The following CC2D2B variants were observed in gnomAD, a reference collection of about 807,000 sequenced individuals.
CC2D2B encodes coiled-coil and C2 domain containing 2B, also known as protein CC2D2B.
CC2D2B carries 128 observed loss-of-function variants against 161.2 expected under a neutral mutation model. The observed-to-expected ratio is 0.79, with a 90% CI of 0.69 to 0.92. CC2D2B has a LOEUF of 0.92. Among genes scored for constraint, CC2D2B ranks in the 40% least tolerant of loss-of-function variants. The pLI is 0.00. For synonymous variants in CC2D2B, 391 were observed against 449.8 expected, an observed-to-expected ratio of 0.87 and a Z score of 1.65; for missense variants, 1,173 against 1,375.1, an observed-to-expected ratio of 0.85 and a Z score of 2.32.
chr10:96,029,797 T>A (rs1416644904), intron 34 of CC2D2B, among the ~76,000 whole-genome samples: 1 of 141,514 alleles, frequency 7.1e-6, no homozygotes, highest in Non-Finnish European at 1.5e-5. Context: ...TCTATTTGTA[T>A]TATTTTTTAT....
chr10:95,974,217 T>C (rs2077238232), intron 17 of CC2D2B, 61 bp downstream of exon 17: 2 of 946,610 alleles, frequency 2.1e-6, no homozygotes, highest in Non-Finnish European at 1.4e-6. Context: ...ACACAAAACA[T>C]ATTATGTGTA....
Position 96,012,651 on chromosome 10 carries a change from AG to A in CC2D2B, c.3349del (p.Val1117SerfsTer8). 1 of 1,611,072 alleles carries A rather than the reference AG, an allele frequency of 6.2e-7. No homozygotes were observed. Among genetic ancestry groups the A allele is most frequent in the Non-Finnish European group, 8.5e-7 (1 of 1,177,306 alleles). On this transcript the variant is annotated frameshift_variant, in exon 28 of 35. Transcript: ENST00000646931. LOFTEE classifies it high-confidence loss of function. ...TTAATGATGAAGGGATACAGTTCTT[AG>A]TCACAAGATATATCAAGGCATTAAA... The part of the protein sequence containing the change: ...VFNDEGIQFL[V>X]TRYIKALNPP...
intron 6 of CC2D2B, among the ~76,000 whole-genome samples, chr10:95,935,207 G>A (rs1331477658): frequency 1.3e-5 from 2 of 152,180 alleles, no homozygotes; most frequent in Non-Finnish European, 2.9e-5. Flanking sequence ...AGTAGTAAAT[G>A]GCAATTCCAT....
Position 96,027,286 on chromosome 10 carries a change from C to G in CC2D2B, c.4022C>G (p.Thr1341Ser), listed in dbSNP as rs2141971004. The G allele has an allele frequency of 6.4e-7, 1 of 1,551,226 alleles. No individual in the cohort carries two copies. The highest frequency in any genetic ancestry group is 8.7e-7 in the Non-Finnish European group (1 of 1,146,752). Residue 1341 changes from threonine (T) to serine (S), a missense_variant, in exon 34 of 35, where the codon ACT (threonine) becomes AGT (serine). Physicochemically the swap from Thr to Ser is moderately conservative, Grantham distance 58. Around this residue, in one of 3 missense-constraint regions of CC2D2B, gnomAD observed 598 missense variants for 693.2 expected, o/e 0.86. Transcript: ENST00000646931. ...CCAACACATTGGAATCGACAGTGTA[C>G]TTTTATTTTGCGACAAATCCTTCCT... ...KHPTHWNRQC[T>S]FILRQILPKL...
chr10:95,929,171 A>G (rs923756080), intron 6 of CC2D2B, among the ~76,000 whole-genome samples: 1 of 151,882 alleles, frequency 6.6e-6, no homozygotes, highest in Non-Finnish European at 1.5e-5. Context: ...CTTTTTTTTC[A>G]TATGTTTGCT....
chr10:95,962,123 T>C (rs996905773), intron 12 of CC2D2B, among the ~76,000 whole-genome samples, 154 bp downstream of exon 12: 2 of 151,764 alleles, frequency 1.3e-5, no homozygotes, highest in African/African-American at 4.8e-5. Flanking sequence ...AACATATATA[T>C]ATATATATAT....
Position 95,922,004 on chromosome 10 carries a change from C to CT in CC2D2B, c.37-5dup. ...CAAGATGCAAGTTTAACCCTCCCTG[C>CT]TTTTTTTGCAGATGTCAGAAGAGAT... On this transcript the variant is annotated splice_polypyrimidine_tract_variant and intron_variant, in intron 2 of 34. Transcript: ENST00000646931. 1.1e-5 allele frequency: 17 copies of CT among 1,501,782 alleles called. No individual in the cohort carries two copies. The highest frequency in any genetic ancestry group is 2.6e-5 in the South Asian group (2 of 77,328). The allele number at this position is 1,501,782 out of a possible 1,614,324, so 93.0% of individuals were successfully genotyped here. A position where few individuals can be genotyped will look rare whatever the true frequency, so the allele number is the denominator to read the frequency against.
At chr10:95,956,713 A>G (rs2076579098) in intron 11 of CC2D2B, among the ~76,000 whole-genome samples, 2 of 152,168 alleles carry the variant, frequency 1.3e-5, no homozygotes, top group Non-Finnish European at 2.9e-5. Flanking sequence ...ACCAAAATTC[A>G]TGGATGTTCA....
intron 2 of CC2D2B, among the ~76,000 whole-genome samples, chr10:95,916,482 A>G (rs889221098): frequency 1.3e-5 from 2 of 151,872 alleles, no homozygotes; most frequent in Non-Finnish European, 2.9e-5. Flanking sequence ...AAGACGCATC[A>G]TTAGGTTATT....
At chr10:95,925,852 A>G (rs184378623) in intron 5 of CC2D2B, among the ~76,000 whole-genome samples, 54 of 152,298 alleles carry the variant, frequency 3.5e-4, no homozygotes, top group African/African-American at 1.3e-3. Context: ...TTTAGGGGAG[A>G]AGACCAGGAA....
At chr10:95,968,465 A>G (rs532332051) in intron 14 of CC2D2B, among the ~76,000 whole-genome samples, 1 of 152,344 alleles carries the variant, frequency 6.6e-6, no homozygotes, top group South Asian at 2.1e-4. Context: ...TTAGTAAAAT[A>G]AGAGCTGAAT....
At chr10:96,017,573 G>A (rs913082064) in intron 30 of CC2D2B, among the ~76,000 whole-genome samples, 1 of 152,106 alleles carries the variant, frequency 6.6e-6, no homozygotes, top group Non-Finnish European at 1.5e-5. Flanking sequence ...TGAAGTCGAG[G>A]AGAGCAGGCT....
chr10:95,981,136 G>A (rs1396308686), intron 17 of CC2D2B, among the ~76,000 whole-genome samples: 1 of 152,162 alleles, frequency 6.6e-6, no homozygotes, highest in Non-Finnish European at 1.5e-5. Context: ...GCTCATGCCT[G>A]TAATCCCAGC....
At chr10:95,912,006 A>C (rs908197298) in intron 2 of CC2D2B, among the ~76,000 whole-genome samples, 1 of 152,204 alleles carries the variant, frequency 6.6e-6, no homozygotes, top group African/African-American at 2.4e-5. Flanking sequence ...TAGTGGTACA[A>C]GAACGAATAG....
Position 95,988,336 on chromosome 10 carries a change from GA to G in CC2D2B, c.2378del (p.Lys793ArgfsTer2). On this transcript the variant is annotated frameshift_variant, in exon 20 of 35. Transcript: ENST00000646931. LOFTEE classifies it high-confidence loss of function. ...AAAGGATTAATTCTGCCAATTTTCT[GA>G]AAAAGGTAACAACACAGTATTATCA... ...AQRINSANFLKKVRRLIMKRI... is the reference protein window; with the variant it reads ...AQRINSANFLXKVRRLIMKRI... 2 of 1,216,350 alleles carry G rather than the reference GA, an allele frequency of 1.6e-6. No homozygotes were observed. Among genetic ancestry groups the G allele is most frequent in the Non-Finnish European group, 2.1e-6 (2 of 972,584 alleles). The allele number at this position is 1,216,350 out of a possible 1,614,324, so 75.3% of individuals were successfully genotyped here.
intron 24 of CC2D2B, chr10:96,000,073 G>T: frequency 1.3e-6 from 2 of 1,483,928 alleles, no homozygotes; most frequent in Admixed American, 1.8e-5. Flanking sequence ...CAGTTTTGCC[G>T]TGGTAACACC....
In CC2D2B at chr10:95,937,958, T is replaced by C. The variant is rs748615113; in HGVS notation, c.337-33T>C. 1.2e-5 allele frequency: 15 copies of C among 1,260,606 alleles called. No individual in the cohort carries two copies. The African/African-American group carries it at 1.9e-4, about 16-fold the overall frequency. The allele number at this position is 1,260,606 out of a possible 1,614,324, so 78.1% of individuals were successfully genotyped here. ...GCATATTAATCATTGGAGACAAGCATGTAAACTTATTTTCCTTTTTGGTAT... is the reference window on the plus strand; with the variant it reads ...GCATATTAATCATTGGAGACAAGCACGTAAACTTATTTTCCTTTTTGGTAT... On this transcript the variant is annotated intron_variant, in intron 6 of 34. Coordinates refer to ENST00000646931, the MANE Select transcript of CC2D2B (RefSeq NM_001349008.3).
At position 95,966,307 on chromosome 10, in the gene CC2D2B, G is replaced by A. The variant is rs544579798; in HGVS notation, c.1466+5G>A. ...AAGCTTATCCAAGTGTTCCTTGTAAGCATGTTTAAATAATTATTTATTTAT... is the reference window on the plus strand; with the variant it reads ...AAGCTTATCCAAGTGTTCCTTGTAAACATGTTTAAATAATTATTTATTTAT... On this transcript the variant is annotated splice_donor_5th_base_variant and intron_variant, in intron 14 of 34. Coordinates refer to ENST00000646931, the MANE Select transcript of CC2D2B (RefSeq NM_001349008.3). The A allele has an allele frequency of 6.6e-5, 67 of 1,009,018 alleles. No individual in the cohort carries two copies. Among genetic ancestry groups the A allele is most frequent in the Middle Eastern group, 3.6e-4 (1 of 2,798 alleles). 62.5% of individuals were successfully genotyped at this position (1,009,018 alleles called of 1,614,324 possible).
intron 5 of CC2D2B, among the ~76,000 whole-genome samples, chr10:95,926,147 G>T (rs1024066214): frequency 3.3e-5 from 5 of 152,122 alleles, no homozygotes; most frequent in Non-Finnish European, 5.9e-5. Context: ...CTCAACACAT[G>T]AATTAAAACA....
Sources: allele counts gnomAD v4.1 joint callset (sites outside exome capture counted in the v4.1 genomes callset), GRCh38; gene constraint gnomAD v4.1.1; regional missense constraint gnomAD v4.1.1; transcripts MANE v1.5; gene names NCBI Gene and HGNC (gene_info 2026-07-23, HGNC 2026-07-21).